RECQL: variants seen among roughly 807,000 people sequenced by gnomAD.
RECQL encodes the protein ATP-dependent DNA helicase Q1.
RECQL carries 73 observed loss-of-function variants against 75.8 expected under a neutral mutation model. The ratio of observed to expected loss-of-function variants is 0.96; its 90% CI spans 0.80 to 1.17. The LOEUF is 1.17. Ranked by LOEUF, RECQL falls within the 50% of genes most tolerant of loss-of-function variation. The pLI is 0.00. For synonymous variants in RECQL, 248 were observed against 254.4 expected (o/e 0.97, Z 0.24); for missense variants, 699 against 772.1 (o/e 0.91, Z 1.12).
Position 21,491,647 on chromosome 12 carries a change from G to C in RECQL, c.86C>G (p.Thr29Arg), listed in dbSNP as rs145067169. ...CTGAATAAGCTCTTGTTGCCTTTCCGTAAGTTCTTGAATTTGAATTTCTAC... is the reference window on the plus strand; with the variant it reads ...CTGAATAAGCTCTTGTTGCCTTTCCCTAAGTTCTTGAATTTGAATTTCTAC... ...HAVEIQIQEL[T>R]ERQQELIQKK... Residue 29 changes from threonine (T) to arginine (R), a missense_variant, in exon 3 of 15, where the codon ACG becomes AGG. This residue lies in a region of RECQL where 669 missense variants were observed against 713.5 expected (regional missense o/e 0.94). Transcript: ENST00000444129. 2 of 1,613,322 alleles carry C rather than the reference G, an allele frequency of 1.2e-6. No individual in the cohort carries two copies. The highest frequency in any genetic ancestry group is 1.7e-4 in the Middle Eastern group (1 of 6,058).
intron 10 of RECQL, 109 bp from the exon 11 acceptor site, chr12:21,475,088 A>G: frequency 9.2e-7 from 1 of 1,086,892 alleles, no homozygotes; most frequent in Non-Finnish European, 1.3e-6. Flanking sequence ...ACATCTAGAA[A>G]TTTTAGAGAT....
intron 8 of RECQL, 118 bp from the exon 9 acceptor site, chr12:21,475,942 G>T: frequency 1.2e-6 from 1 of 868,784 alleles, no homozygotes; most frequent in Admixed American, 2.8e-5. Flanking sequence ...AAAGAATTAT[G>T]AAAAATTTCA....
chr12:21,500,740 C>T (rs1943596445), intron 1 of RECQL, among the ~76,000 whole-genome samples: 1 of 152,084 alleles, frequency 6.6e-6, no homozygotes, highest in Non-Finnish European at 1.5e-5. Context: ...CAGGAAAATG[C>T]CTTGATGTAG....
At chr12:21,476,875 A>T in intron 8 of RECQL, 36 bp downstream of exon 8, 1 of 1,436,868 alleles carries the variant, frequency 7.0e-7, no homozygotes, top group Admixed American at 2.0e-5. Flanking sequence ...TTTGAAAGTT[A>T]TCTCTGTCTC....
At chr12:21,491,007 G>A (rs1276059727) in intron 3 of RECQL, among the ~76,000 whole-genome samples, 3 of 152,294 alleles carry the variant, frequency 2.0e-5, no homozygotes, top group East Asian at 3.9e-4. Context: ...CATGAACAAA[G>A]TTAACAATTA....
rs770012548 is a variant in RECQL at position 21,476,957 on chromosome 12, A to G, written c.903T>C (p.Ile301=). 6.2e-7 allele frequency: 1 copy of G among 1,610,276 alleles called. No individual in the cohort carries two copies. Among genetic ancestry groups the G allele is most frequent in the Non-Finnish European group, 8.5e-7 (1 of 1,178,480 alleles). Residue 301 remains isoleucine, a synonymous_variant, in exon 8 of 15, where the codon ATT becomes ATC. Transcript: ENST00000444129. ...CATTAATGAGCTTTACAATATCCTCAATAAAATCTTCAGTGTTTGAGGGCT... is the reference window on the plus strand; with the variant it reads ...CATTAATGAGCTTTACAATATCCTCGATAAAATCTTCAGTGTTTGAGGGCT... The part of the protein sequence containing the change: ...RQKPSNTEDF[I]EDIVKLINGR...
At chr12:21,497,383 G>A (rs888861367) in intron 2 of RECQL, among the ~76,000 whole-genome samples, 1 of 152,140 alleles carries the variant, frequency 6.6e-6, no homozygotes, top group Non-Finnish European at 1.5e-5. Flanking sequence ...CTACCTGAAA[G>A]TGAACAACTA....
rs184921726 is a variant in RECQL, at chr12:21,479,554, C to T, written c.701-1585G>A. ...TTTTAGTAGAGACGGGGTTTCACCA[C>T]GTTGGCCAGGCTGGTCTTGAATTCC... On this transcript the variant is annotated intron_variant, in intron 6 of 14. Coordinates refer to ENST00000444129, the MANE Select transcript of RECQL (RefSeq NM_002907.4). Among the ~76,000 whole-genome samples the T allele has an allele frequency of 9.2e-5, 14 of 151,908 alleles. 1 individual carries two copies. Among genetic ancestry groups the T allele is most frequent in the African/African-American group, 3.1e-4 (13 of 41,440 alleles).
chr12:21,499,701 A>C (rs1311557390), intron 1 of RECQL, 86 bp from the exon 2 acceptor site: 1 of 670,628 alleles, frequency 1.5e-6, no homozygotes, highest in African/African-American at 1.9e-5. Context: ...TGTCATTCCT[A>C]AGCACGGAAA....
At chr12:21,489,666 C>A (rs1000479322) in intron 4 of RECQL, among the ~76,000 whole-genome samples, 10 of 152,218 alleles carry the variant, frequency 6.6e-5, no homozygotes, top group Non-Finnish European at 1.0e-4. Context: ...GCTTCTCCTA[C>A]AACATTTTTG....
Position 21,475,605 on chromosome 12 carries a change from T to C in RECQL, c.1099-20A>G. On this transcript the variant is annotated intron_variant, in intron 9 of 14. Coordinates refer to ENST00000444129, the MANE Select transcript of RECQL (RefSeq NM_002907.4). Reference sequence around the variant, plus strand: ...TACTACCTGAAATATTTTAACATTTTATCAGTTAATTAAATCAAGTTTAAA... The same window carrying C: ...TACTACCTGAAATATTTTAACATTTCATCAGTTAATTAAATCAAGTTTAAA... 2 of 1,608,404 alleles carry C rather than the reference T, an allele frequency of 1.2e-6. No individual in the cohort carries two copies. Among genetic ancestry groups the C allele is most frequent in the East Asian group, 2.2e-5 (1 of 44,736 alleles).
At chr12:21,496,655 G>C (rs1428597338) in intron 2 of RECQL, among the ~76,000 whole-genome samples, 1 of 152,160 alleles carries the variant, frequency 6.6e-6, no homozygotes, top group East Asian at 1.9e-4. Context: ...AAAATTCAGA[G>C]GCCTGACACC....
intron 5 of RECQL, among the ~76,000 whole-genome samples, chr12:21,485,179 C>G (rs1943266405): frequency 7.0e-6 from 1 of 143,334 alleles, no homozygotes; most frequent in Non-Finnish European, 1.5e-5. Context: ...CTATGTACCA[C>G]TTGAGTGATA....
chr12:21,491,816 C>T, intron 2 of RECQL, 100 bp from the exon 3 acceptor site: 1 of 1,082,582 alleles, frequency 9.2e-7, no homozygotes. Context: ...CAATTACAGA[C>T]AAACTTGAAG....
chr12:21,495,838 G>A (rs1265200622), intron 2 of RECQL, among the ~76,000 whole-genome samples: 2 of 152,134 alleles, frequency 1.3e-5, no homozygotes, highest in Non-Finnish European at 2.9e-5. Context: ...TGATCTCATT[G>A]GCATGGGGCA....
At chr12:21,489,971 AATATACCCATGTAACAAACCTGCAC>A (rs1943377234) in intron 4 of RECQL, among the ~76,000 whole-genome samples, 1 of 152,140 alleles carries the variant, frequency 6.6e-6, no homozygotes, top group South Asian at 2.1e-4. Context: ...AGCATCACAC[AATATACCCATGTAACAAACCTGCAC>A]ATATACCCCT....
At position 21,486,582 on chromosome 12, in the gene RECQL, A is replaced by G. The variant is rs1943302283; in HGVS notation, c.398T>C (p.Phe133Ser). 6.3e-7 allele frequency: 1 copy of G among 1,578,046 alleles called. No homozygotes were observed. Among genetic ancestry groups the G allele is most frequent in the East Asian group, 2.3e-5 (1 of 43,796 alleles). ...GATCAATGGGCAAATGACGAGTGTAAAACCTAAAAGAGAAAAAAAAAAAAA... is the reference window on the plus strand; with the variant it reads ...GATCAATGGGCAAATGACGAGTGTAGAACCTAAAAGAGAAAAAAAAAAAAA... The part of the protein sequence containing the change: ...YQLPALCSDG[F>S]TLVICPLISL... Residue 133 changes from phenylalanine to serine, a missense_variant, in exon 5 of 15, where the codon TTT (phenylalanine) becomes TCT (serine). This residue lies in a region of RECQL where 669 missense variants were observed against 713.5 expected (regional missense o/e 0.94). Coordinates refer to ENST00000444129, the MANE Select transcript of RECQL (RefSeq NM_002907.4).
chr12:21,483,569 A>G lies in RECQL; in HGVS notation c.507T>C (p.His169=). 1 of 1,570,404 alleles carries G rather than the reference A, an allele frequency of 6.4e-7. No homozygotes were observed. The highest frequency in any genetic ancestry group is 1.4e-5 in the African/African-American group (1 of 71,856). The change falls in exon 6 of 15, where the codon CAT becomes CAC. Residue 169 remains histidine (H), a synonymous_variant. Coordinates refer to ENST00000444129, the MANE Select transcript of RECQL (RefSeq NM_002907.4). ...TMLNASSSKE[H]VKWVHAEMVN... ...CCATTTCAGCATGAACCCATTTAAC[A>G]TGCTCCTATTAAAAGAAAAAAATAG...
rs192842531 is a variant in RECQL, at chr12:21,497,905, C to A, written c.16+1650G>T. ...CATTCTCTGTGGGGACAGACAGATG[C>A]TTGATGGCAAAGTGACCGCATTGGA... is the stretch of plus-strand genomic sequence containing the variant. On this transcript the variant is annotated intron_variant, in intron 2 of 14. Transcript: ENST00000444129. 1.2e-4 allele frequency among the ~76,000 whole-genome samples: 19 copies of A among 152,296 alleles called. No individual in the cohort carries two copies. The East Asian group carries it at 3.7e-3, about 29-fold the overall frequency.
Sources: allele counts gnomAD v4.1 joint callset (sites outside exome capture counted in the v4.1 genomes callset), GRCh38; gene constraint gnomAD v4.1.1; regional missense constraint gnomAD v4.1.1; transcripts MANE v1.5; gene names NCBI Gene and HGNC (gene_info 2026-07-23, HGNC 2026-07-21).